Variants in SERPINB7 observed in about 807,000 individuals in gnomAD.
SERPINB7 encodes serpin family B member 7, also known as serpin B7.
A neutral mutation model predicts 37.4 loss-of-function variants in SERPINB7; 31 were observed. That is an observed-to-expected ratio of 0.83 (90% CI 0.62 to 1.12). SERPINB7 has a LOEUF of 1.12. SERPINB7 is among the 50% of genes most tolerant of loss of function. The pLI is 0.00. For missense variants in SERPINB7, 521 were observed against 455.3 expected, an observed-to-expected ratio of 1.14 and a Z score of -1.31; for synonymous variants, 163 against 166.1, an observed-to-expected ratio of 0.98 and a Z score of 0.14.
At position 63,782,490 on chromosome 18, in the gene SERPINB7, G is replaced by A; in HGVS notation, c.118G>A (p.Ala40Thr). The change falls in exon 2 of 8, where the codon GCC becomes ACC. Residue 40 changes from alanine (A) to threonine (T), a missense_variant. Physicochemically the swap from Ala to Thr is moderately conservative, Grantham distance 58. Transcript: ENST00000398019. ...CTCTCTGAGCCTCTTCGCTGCCCTG[G>A]CCCTGGTCCGCTTGGGCGCTCAAGA... ...FSSLSLFAALALVRLGAQDDS... is the reference protein window; with the variant it reads ...FSSLSLFAALTLVRLGAQDDS... The A allele has an allele frequency of 1.2e-6, 2 of 1,614,024 alleles. No individual in the cohort carries two copies. The highest frequency in any genetic ancestry group is 2.2e-5 in the South Asian group (2 of 91,062).
At chr18:63,794,218 G>A (rs1271847762) in intron 4 of SERPINB7, among the ~76,000 whole-genome samples, 2 of 146,416 alleles carry the variant, frequency 1.4e-5, no homozygotes, top group African/African-American at 2.5e-5. Context: ...CACATCAGCC[G>A]CCCAAAGTGC....
At position 63,759,388 on chromosome 18, in the gene SERPINB7, T is replaced by G. The variant is rs117315244; in HGVS notation, c.-19+6268T>G. 2.9e-3 allele frequency among the ~76,000 whole-genome samples: 447 copies of G among 152,296 alleles called. 18 individuals carry two copies. The East Asian group carries it at 0.069, about 24-fold the overall frequency. On this transcript the variant is annotated intron_variant, in intron 1 of 7. Transcript: ENST00000336429. ...GTCTATTTTCCTTCACAGAAGAACA[T>G]GACAAAGGAGCTTAACTGAGAGCAC...
intron 2 of SERPINB7, among the ~76,000 whole-genome samples, chr18:63,783,777 T>C (rs1195786266): frequency 1.3e-5 from 2 of 152,198 alleles, no homozygotes; most frequent in East Asian, 3.8e-4. Context: ...TGCCCACCTC[T>C]TGCCCCACTA....
chr18:63,771,827 A>G (rs2049212961), upstream of SERPINB7, among the ~76,000 whole-genome samples: 1 of 151,912 alleles, frequency 6.6e-6, no homozygotes, highest in Non-Finnish European at 1.5e-5. Flanking sequence ...TAGTAGCCAT[A>G]TTGTCTTCTG....
At chr18:63,772,514 C>G (rs1230241642), upstream of SERPINB7, among the ~76,000 whole-genome samples, 1 of 151,992 alleles carries the variant, frequency 6.6e-6, no homozygotes, top group Non-Finnish European at 1.5e-5. Flanking sequence ...AGAATATTTA[C>G]TTTTTCATGA....
At chr18:63,791,639 C>T (rs1275709027) in intron 2 of SERPINB7, among the ~76,000 whole-genome samples, 1 of 151,774 alleles carries the variant, frequency 6.6e-6, no homozygotes, top group Non-Finnish European at 1.5e-5. Flanking sequence ...GAGATGGCGT[C>T]TCACTCTGTT....
chr18:63,804,738 T>C lies in SERPINB7; in HGVS notation c.*103T>C. 8.1e-7 allele frequency: 1 copy of C among 1,237,262 alleles called. No homozygotes were observed. The highest frequency in any genetic ancestry group is 1.1e-6 in the Non-Finnish European group (1 of 895,728). 76.6% of individuals were successfully genotyped at this position (1,237,262 alleles called of 1,614,324 possible). On this transcript the variant is annotated 3_prime_UTR_variant, in exon 8 of 8. Coordinates refer to ENST00000398019, the MANE Select transcript of SERPINB7 (RefSeq NM_003784.4). ...GGAAAAATGTGGTGTTTCCTTTGAG[T>C]TTATTTCTTCCTAACATTGGTCAGC...
intron 1 of SERPINB7, 144 bp from the exon 2 acceptor site, chr18:63,782,211 C>A: frequency 2.2e-6 from 1 of 448,418 alleles, no homozygotes; most frequent in Non-Finnish European, 3.5e-6. Flanking sequence ...GGGAACTTTT[C>A]CCTTTTTGTT....
chr18:63,755,150 C>T (rs1052620431), intron 1 of SERPINB7, among the ~76,000 whole-genome samples: 9 of 152,052 alleles, frequency 5.9e-5, no homozygotes, highest in Admixed American at 2.0e-4. Flanking sequence ...ATGATCCACC[C>T]GCCTCGGCCT....
intron 1 of SERPINB7, 55 bp from the exon 2 acceptor site, chr18:63,782,300 T>C: frequency 9.3e-7 from 1 of 1,076,682 alleles, no homozygotes. Context: ...TCTAAAAATA[T>C]AATATTCCTA....
At chr18:63,786,351 C>T (rs1379332412) in intron 2 of SERPINB7, among the ~76,000 whole-genome samples, 1 of 150,514 alleles carries the variant, frequency 6.6e-6, no homozygotes, top group African/African-American at 2.4e-5. Flanking sequence ...ACTTCCTTCT[C>T]TCAACGTTTC....
intron 2 of SERPINB7, among the ~76,000 whole-genome samples, chr18:63,791,488 T>G (rs1367857652): frequency 6.6e-6 from 1 of 152,184 alleles, no homozygotes; most frequent in Non-Finnish European, 1.5e-5. Context: ...TAACAAATAT[T>G]AAATTAACAC....
At chr18:63,786,937 C>A (rs2049379691) in intron 2 of SERPINB7, among the ~76,000 whole-genome samples, 1 of 152,040 alleles carries the variant, frequency 6.6e-6, no homozygotes, top group Non-Finnish European at 1.5e-5. Flanking sequence ...TGCCTGGGAC[C>A]AAGTGTTTTG....
At chr18:63,779,445 G>C (rs1039224232) in intron 1 of SERPINB7, among the ~76,000 whole-genome samples, 1 of 152,100 alleles carries the variant, frequency 6.6e-6, no homozygotes, top group Non-Finnish European at 1.5e-5. Flanking sequence ...CACCTGCATA[G>C]AGAAAGATAA....
chr18:63,804,274 G>A lies in SERPINB7; in HGVS notation c.782G>A (p.Trp261Ter), dbSNP rs778253378. The A allele has an allele frequency of 6.3e-7, 1 of 1,591,874 alleles. No homozygotes were observed. The highest frequency in any genetic ancestry group is 2.2e-5 in the East Asian group (1 of 44,790). Residue 261 changes from tryptophan to a stop codon, truncating the protein, a stop_gained, in exon 8 of 8, where the codon TGG becomes TAG. Coordinates refer to ENST00000398019, the MANE Select transcript of SERPINB7 (RefSeq NM_003784.4). LOFTEE classifies it high-confidence loss of function. The stretch of plus-strand genomic sequence containing the variant: ...CTGACCTTTCAGAATCTAATGGAAT[G>A]GACCAATCCAAGGCGAATGACCTCT... Reference protein sequence around the residue: ...NKLTFQNLMEWTNPRRMTSKY... With the variant: ...NKLTFQNLME
At chr18:63,784,577 A>G (rs1427086411) in intron 2 of SERPINB7, among the ~76,000 whole-genome samples, 1 of 152,222 alleles carries the variant, frequency 6.6e-6, no homozygotes, top group South Asian at 2.1e-4. Flanking sequence ...ATTCATAAAA[A>G]TGCATAATGT....
chr18:63,782,403 T>C lies in SERPINB7; in HGVS notation c.31T>C (p.Phe11Leu). 3 of 1,613,282 alleles carry C rather than the reference T, an allele frequency of 1.9e-6. No individual in the cohort carries two copies. Among genetic ancestry groups the C allele is most frequent in the South Asian group, 2.2e-5 (2 of 90,908 alleles). The change falls in exon 2 of 8, where the codon TTT (phenylalanine) becomes CTT (leucine). Residue 11 changes from phenylalanine (F) to leucine (L), a missense_variant. Coordinates refer to ENST00000398019, the MANE Select transcript of SERPINB7 (RefSeq NM_003784.4). MASLAAANAE[F>L]CFNLFREMDD... ...CTCCCTTGCTGCAGCAAATGCAGAGTTTTGCTTCAACCTGTTCAGAGAGAT... is the reference window on the plus strand; with the variant it reads ...CTCCCTTGCTGCAGCAAATGCAGAGCTTTGCTTCAACCTGTTCAGAGAGAT...
At chr18:63,778,252 C>G (rs551232886) in intron 1 of SERPINB7, 1 of 151,998 alleles carries the variant, frequency 6.6e-6, no homozygotes, top group Non-Finnish European at 1.5e-5. Flanking sequence ...GCATAATATA[C>G]TAATTTGATT....
At chr18:63,802,396 C>T (rs1039002800) in intron 7 of SERPINB7, among the ~76,000 whole-genome samples, 1 of 152,156 alleles carries the variant, frequency 6.6e-6, no homozygotes, top group Non-Finnish European at 1.5e-5. Context: ...ACTCATCTCC[C>T]TTCTCTATTC....
Sources: gnomAD v4.1 joint callset for allele counts (sites outside exome capture counted in the v4.1 genomes callset) on GRCh38, gnomAD v4.1.1 for gene constraint, MANE v1.5 for transcripts, NCBI Gene and HGNC (gene_info 2026-07-23, HGNC 2026-07-21) for gene names.